Variants in VPS33A observed in about 807,000 individuals in gnomAD.
VPS33A encodes the protein VPS33A core subunit of CORVET and HOPS complexes.
A neutral mutation model predicts 71.8 loss-of-function variants in VPS33A; 32 were observed. The ratio of observed to expected loss-of-function variants is 0.45; its 90% CI spans 0.34 to 0.60. The LOEUF (loss-of-function observed/expected upper bound fraction) is 0.60, where lower values mean the gene tolerates loss of function less well. VPS33A is among the 20% of genes least tolerant of loss of function. The pLI is 0.02. For missense variants in VPS33A, 625 were observed against 748.5 expected (o/e 0.84, Z 1.92); for synonymous variants, 311 against 292.7 (o/e 1.06, Z -0.64).
At chr12:122,243,278 C>A (rs1306876594) in intron 7 of VPS33A, among the ~76,000 whole-genome samples, 2 of 152,186 alleles carry the variant, frequency 1.3e-5, no homozygotes, top group East Asian at 3.9e-4. Context: ...GAGACAGGGT[C>A]TCTGTCGCCC....
intron 10 of VPS33A, 63 bp from the exon 11 acceptor site, chr12:122,235,986 G>C: frequency 6.5e-7 from 1 of 1,546,790 alleles, no homozygotes; most frequent in Non-Finnish European, 8.7e-7. Flanking sequence ...AATTTTCAAA[G>C]AAGGGCACTT....
chr12:122,258,986 C>CAAAAAA (rs749562489), intron 4 of VPS33A, among the ~76,000 whole-genome samples: 2 of 53,208 alleles, frequency 3.8e-5, no homozygotes, highest in Admixed American at 2.2e-4. Context: ...CAATCCATCT[C>CAAAAAA]AAAAAAAAAA....
Position 122,238,757 on chromosome 12 carries a change from A to G in VPS33A, c.1165-33T>C. ...TAAAGTAGCATACATATACATATAC[A>G]TTTACATATACATACACACACACAC... is the stretch of plus-strand genomic sequence containing the variant. On this transcript the variant is annotated intron_variant, in intron 9 of 12. Coordinates refer to ENST00000267199, the MANE Select transcript of VPS33A (RefSeq NM_022916.6). 4 of 1,555,632 alleles carry G rather than the reference A, an allele frequency of 2.6e-6. No homozygotes were observed. In the South Asian group the frequency reaches 3.4e-5, roughly 13 times the overall value.
In VPS33A at chr12:122,242,372, G is replaced by C. The variant is rs375453889; in HGVS notation, c.1096+10C>G. ...CCCAGACTGAAACAATCATTACAAA[G>C]GATACTCACTAGTGACATCTTTGAT... On this transcript the variant is annotated intron_variant, in intron 8 of 12. Coordinates refer to ENST00000267199, the MANE Select transcript of VPS33A (RefSeq NM_022916.6). 29 of 1,610,944 alleles carry C rather than the reference G, an allele frequency of 1.8e-5. No individual in the cohort carries two copies. The African/African-American group carries it at 2.9e-4, about 16-fold the overall frequency.
intron 6 of VPS33A, among the ~76,000 whole-genome samples, chr12:122,247,130 GGAT>G (rs1250259378): frequency 2.0e-5 from 3 of 152,132 alleles, no homozygotes; most frequent in East Asian, 1.9e-4. Context: ...TAAGGTTGGA[GGAT>G]AATAACGGAT....
intron 4 of VPS33A, among the ~76,000 whole-genome samples, chr12:122,258,074 T>A (rs1171720520): frequency 1.3e-5 from 2 of 152,086 alleles, no homozygotes; most frequent in Non-Finnish European, 2.9e-5. Flanking sequence ...TAAAATGGGT[T>A]GAAGACCTAA....
Position 122,249,908 on chromosome 12 carries a change from A to G in VPS33A, c.738T>C (p.Tyr246=), listed in dbSNP as rs751140030. ...CATAAATTTCATCAATGAGTCCTTC[A>G]TATGTCAGCTGAGTGGCAAGAGGTG... ...LLTPLATQLT[Y]EGLIDEIYGI... The change falls in exon 6 of 13, where the codon TAT becomes TAC. Residue 246 remains tyrosine, a synonymous_variant. Coordinates refer to ENST00000267199, the MANE Select transcript of VPS33A (RefSeq NM_022916.6). 4.0e-5 allele frequency: 64 copies of G among 1,614,040 alleles called. No homozygotes were observed. Among genetic ancestry groups the G allele is most frequent in the Non-Finnish European group, 5.3e-5 (63 of 1,180,000 alleles).
Position 122,266,428 on chromosome 12 carries a change from C to A in VPS33A, c.-20G>T. 1 of 1,601,534 alleles carries A rather than the reference C, an allele frequency of 6.2e-7. No homozygotes were observed. Among genetic ancestry groups the A allele is most frequent in the Middle Eastern group, 1.7e-4 (1 of 6,036 alleles). On this transcript the variant is annotated 5_prime_UTR_variant, in exon 1 of 13. Transcript: ENST00000267199. Reference sequence around the variant, plus strand: ...CGCCATCTTGCTCCACCACCCCCTGCCCCACAACGCCAACCGAGTCCGCCG... The same window carrying A: ...CGCCATCTTGCTCCACCACCCCCTGACCCACAACGCCAACCGAGTCCGCCG...
In VPS33A at chr12:122,244,729, G is replaced by A. The variant is rs773462031; in HGVS notation, c.809C>T (p.Pro270Leu). The A allele has an allele frequency of 6.2e-7, 1 of 1,613,620 alleles. No individual in the cohort carries two copies. The highest frequency in any genetic ancestry group is 1.3e-5 in the African/African-American group (1 of 74,904). ...YVKLPPEKFA[P>L]KKQGDGGKDL... Reference sequence around the variant, plus strand: ...CTTACCACCATCGCCCTGTTTCTTAGGTGCAAATTTCTCTGGAGGTAATTT... The same window carrying A: ...CTTACCACCATCGCCCTGTTTCTTAAGTGCAAATTTCTCTGGAGGTAATTT... The change falls in exon 7 of 13, where the codon CCT becomes CTT. Residue 270 changes from proline to leucine, a missense_variant. By Grantham distance (98) the Pro-to-Leu change is moderately conservative (BLOSUM62 -3). Transcript: ENST00000267199.
rs150048469 is a variant in VPS33A at position 122,260,202 on chromosome 12, G to A, written c.483+1059C>T. ...TTAAAATGTGCCATACTTAGAGAGT[G>A]GAGATAGTTGCACAACTTTGTAAAT... On this transcript the variant is annotated intron_variant, in intron 4 of 12. Coordinates refer to ENST00000267199, the MANE Select transcript of VPS33A (RefSeq NM_022916.6). Among the ~76,000 whole-genome samples the A allele has an allele frequency of 5.9e-3, 891 of 152,170 alleles. 14 individuals are homozygous for A. Among genetic ancestry groups the A allele is most frequent in the African/African-American group, 0.02 (845 of 41,486 alleles).
chr12:122,260,572 T>C (rs1420523430), intron 4 of VPS33A, among the ~76,000 whole-genome samples: 2 of 152,196 alleles, frequency 1.3e-5, no homozygotes. Flanking sequence ...GTGCTAGGAT[T>C]ACAGGCATGA....
At chr12:122,250,347 T>C (rs1954826608) in intron 5 of VPS33A, among the ~76,000 whole-genome samples, 1 of 152,230 alleles carries the variant, frequency 6.6e-6, no homozygotes. Context: ...GGAACCACTG[T>C]TCCTAGGAGA....
intron 8 of VPS33A, among the ~76,000 whole-genome samples, chr12:122,240,315 G>A (rs184719321): frequency 7.2e-5 from 11 of 152,234 alleles, no homozygotes; most frequent in South Asian, 4.1e-4. Flanking sequence ...GCAACAGAGC[G>A]AGACTCTGTC....
chr12:122,239,779 A>AAAAG, intron 9 of VPS33A, 99 bp downstream of exon 9: 1 of 507,360 alleles, frequency 2.0e-6, no homozygotes, highest in African/African-American at 2.3e-5. Flanking sequence ...AAAAAAAAAA[A>AAAAG]GGCAAGGCAT....
At chr12:122,264,084 T>A in intron 2 of VPS33A, 50 bp downstream of exon 2, 1 of 1,425,090 alleles carries the variant, frequency 7.0e-7, no homozygotes, top group South Asian at 1.4e-5. Context: ...TTGTAACTGC[T>A]AAAGTACAGA....
intron 4 of VPS33A, among the ~76,000 whole-genome samples, chr12:122,251,624 A>G (rs1359714853): frequency 6.6e-6 from 1 of 152,174 alleles, no homozygotes; most frequent in Non-Finnish European, 1.5e-5. Context: ...TAAAAAATAT[A>G]TATTTTTGCA....
At position 122,266,425 on chromosome 12, in the gene VPS33A, C is replaced by A. The variant is rs756488670; in HGVS notation, c.-17G>T. 9 of 1,604,172 alleles carry A rather than the reference C, an allele frequency of 5.6e-6. No individual in the cohort carries two copies. The African/African-American group carries it at 9.4e-5, about 17-fold the overall frequency. ...AGCCGCCATCTTGCTCCACCACCCC[C>A]TGCCCCACAACGCCAACCGAGTCCG... is the stretch of plus-strand genomic sequence containing the variant. On this transcript the variant is annotated 5_prime_UTR_variant, in exon 1 of 13. It adds an upstream start codon to the 5' untranslated region. Transcript: ENST00000267199.
At chr12:122,263,836 A>G (rs2136154315) in intron 2 of VPS33A, 137 bp from the exon 3 acceptor site, 1 of 1,126,516 alleles carries the variant, frequency 8.9e-7, no homozygotes, top group East Asian at 2.5e-5. Context: ...CTCAAAGCCA[A>G]ATACATAAAG....
At chr12:122,242,550 G>C in intron 7 of VPS33A, 42 bp from the exon 8 acceptor site, 1 of 1,564,512 alleles carries the variant, frequency 6.4e-7, no homozygotes, top group Non-Finnish European at 8.7e-7. Context: ...AGGGAAGATA[G>C]TTTATTTATT....
Sources: gnomAD v4.1 joint callset for allele counts (sites outside exome capture counted in the v4.1 genomes callset) on GRCh38, gnomAD v4.1.1 for gene constraint, MANE v1.5 for transcripts, NCBI Gene and HGNC (gene_info 2026-07-23, HGNC 2026-07-21) for gene names.